The following CC2D2B variants were observed in gnomAD, a reference collection of about 807,000 sequenced individuals.
CC2D2B encodes the protein coiled-coil and C2 domain containing 2B.
A neutral mutation model predicts 161.2 loss-of-function variants in CC2D2B; 128 were observed. The ratio of observed to expected loss-of-function variants is 0.79; its 90% confidence interval spans 0.69 to 0.92. The LOEUF (loss-of-function observed/expected upper bound fraction) is 0.92, where lower values mean the gene tolerates loss of function less well. Ranked by LOEUF, CC2D2B falls within the 40% of genes least tolerant of loss-of-function variation. The pLI is 0.00. For missense variants in CC2D2B, 1,173 were observed against 1,375.1 expected (o/e 0.85, Z 2.32); for synonymous variants, 391 against 449.8 (o/e 0.87, Z 1.65).
At chr10:95,952,796 G>A (rs927909634) in intron 10 of CC2D2B, among the ~76,000 whole-genome samples, 1 of 151,920 alleles carries the variant, frequency 6.6e-6, no homozygotes, top group Admixed American at 6.6e-5. Flanking sequence ...ATGGCACTTA[G>A]GTCATTTCTT....
intron 2 of CC2D2B, among the ~76,000 whole-genome samples, 178 bp downstream of exon 2, chr10:95,911,537 G>C (rs931808071): frequency 3.9e-5 from 6 of 152,060 alleles, no homozygotes; most frequent in Non-Finnish European, 8.8e-5. Flanking sequence ...TGGTCTGTAA[G>C]TTATTTAATA....
rs1322583440 is a variant in CC2D2B, at chr10:96,003,463, G to A, written c.2850-689G>A. On this transcript the variant is annotated intron_variant, in intron 24 of 34. Coordinates refer to ENST00000646931, the MANE Select transcript of CC2D2B (RefSeq NM_001349008.3). ...GATGGAGTTCTGCTCTTGTTACCCA[G>A]GCTGGAGTGCAGTGGCGTGATCTCG... is the stretch of plus-strand genomic sequence containing the variant. Among the ~76,000 whole-genome samples the A allele has an allele frequency of 2.0e-5, 3 of 151,924 alleles. No individual in the cohort carries two copies. The East Asian group carries it at 5.8e-4, about 29-fold the overall frequency.
At chr10:95,945,777 C>CTTTTTTT (rs34209550) in intron 9 of CC2D2B, among the ~76,000 whole-genome samples, 5 of 81,122 alleles carry the variant, frequency 6.2e-5, no homozygotes, top group African/African-American at 9.5e-5. Flanking sequence ...TAATGTTGGA[C>CTTTTTTT]TTTTTTTTTT....
chr10:95,990,531 C>A (rs2077910114), intron 20 of CC2D2B, among the ~76,000 whole-genome samples: 1 of 152,092 alleles, frequency 6.6e-6, no homozygotes, highest in Non-Finnish European at 1.5e-5. Context: ...AGTGAAGGGG[C>A]CACCGGGGTC....
chr10:95,913,786 A>G (rs1407084604), intron 2 of CC2D2B, among the ~76,000 whole-genome samples: 1 of 152,056 alleles, frequency 6.6e-6, no homozygotes, highest in African/African-American at 2.4e-5. Context: ...ATCTATGTAG[A>G]TCTTTTGCCC....
In CC2D2B at chr10:96,016,263, T is replaced by C. The variant is rs2079195127; in HGVS notation, c.3579T>C (p.Phe1193=). The change falls in exon 30 of 35, where the codon TTT becomes TTC. Residue 1193 remains phenylalanine, a synonymous_variant. Coordinates refer to ENST00000646931, the MANE Select transcript of CC2D2B (RefSeq NM_001349008.3). ...EEHAILLCNF[F]LYFGKKALVL... ...ATGCCATCCTTCTCTGTAATTTCTT[T>C]CTGTATTTTGGAAAGAAGGCACTGG... 2 of 1,613,602 alleles carry C rather than the reference T, an allele frequency of 1.2e-6. No homozygotes were observed. Among genetic ancestry groups the C allele is most frequent in the East Asian group, 4.5e-5 (2 of 44,874 alleles).
At chr10:95,942,818 CTT>C (rs2076067251) in intron 9 of CC2D2B, among the ~76,000 whole-genome samples, 1 of 151,948 alleles carries the variant, frequency 6.6e-6, no homozygotes, top group Non-Finnish European at 1.5e-5. Context: ...CTTATAGAAA[CTT>C]TGATGGATTT....
chr10:96,006,363 T>C (rs974447309), intron 25 of CC2D2B, among the ~76,000 whole-genome samples: 2 of 148,970 alleles, frequency 1.3e-5, no homozygotes, highest in Non-Finnish European at 3.0e-5. Context: ...TTATATAATA[T>C]ATATATACAT....
intron 11 of CC2D2B, among the ~76,000 whole-genome samples, chr10:95,956,513 G>T (rs2076572283): frequency 6.6e-6 from 1 of 152,098 alleles, no homozygotes; most frequent in Non-Finnish European, 1.5e-5. Context: ...AGAATTTATA[G>T]AATTGAAAAA....
intron 2 of CC2D2B, among the ~76,000 whole-genome samples, chr10:95,917,794 G>A (rs1334148151): frequency 1.3e-5 from 2 of 152,042 alleles, no homozygotes; most frequent in Admixed American, 1.3e-4. Flanking sequence ...TTTTGAGACA[G>A]TATTATTTTG....
At position 95,983,778 on chromosome 10, in the gene CC2D2B, A is replaced by C; in HGVS notation, c.2255A>C (p.His752Pro). 8.1e-7 allele frequency: 1 copy of C among 1,230,008 alleles called. No individual in the cohort carries two copies. The highest frequency in any genetic ancestry group is 1.0e-6 in the Non-Finnish European group (1 of 986,124). The allele number at this position is 1,230,008 out of a possible 1,614,324, so 76.2% of individuals were successfully genotyped here. ...TTCCTTCTACAGCAAATGCCCCTCC[A>C]TGATACAGAGATTCCAGATTTAGTC... ...DNFLLQQMPLHDTEIPDLVFQ... is the reference protein window; with the variant it reads ...DNFLLQQMPLPDTEIPDLVFQ... The change falls in exon 19 of 35, where the codon CAT becomes CCT. Residue 752 changes from histidine (H) to proline (P), a missense_variant. His to Pro is a moderately conservative substitution (Grantham distance 77). This residue lies in a region of CC2D2B where 277 missense variants were observed against 420.6 expected (regional missense o/e 0.66). Coordinates refer to ENST00000646931, the MANE Select transcript of CC2D2B (RefSeq NM_001349008.3).
In CC2D2B at chr10:95,981,958, T is replaced by C; in HGVS notation, c.1944-17T>C. ...TTATATTGTATGCAAGTTCACAAAA[T>C]ATTTTCTCTATGTTAGTATGTTAAG... On this transcript the variant is annotated splice_polypyrimidine_tract_variant and intron_variant, in intron 17 of 34. Coordinates refer to ENST00000646931, the MANE Select transcript of CC2D2B (RefSeq NM_001349008.3). 1.7e-6 allele frequency: 2 copies of C among 1,204,754 alleles called. No homozygotes were observed. The highest frequency in any genetic ancestry group is 2.1e-6 in the Non-Finnish European group (2 of 963,388). 74.6% of individuals were successfully genotyped at this position (1,204,754 alleles called of 1,614,324 possible). A position where few individuals can be genotyped will look rare whatever the true frequency, so the allele number is the denominator to read the frequency against.
At chr10:96,000,022 A>G in intron 24 of CC2D2B, 1 of 1,356,700 alleles carries the variant, frequency 7.4e-7, no homozygotes, top group Non-Finnish European at 1.0e-6. Context: ...CTTTGTTTAC[A>G]ACAATGCCAA....
At chr10:95,954,479 G>C (rs2076507402) in intron 10 of CC2D2B, among the ~76,000 whole-genome samples, 1 of 152,084 alleles carries the variant, frequency 6.6e-6, no homozygotes, top group East Asian at 1.9e-4. Context: ...TATTTGTCTA[G>C]TTCCGTACTG....
intron 22 of CC2D2B, among the ~76,000 whole-genome samples, chr10:95,993,743 C>A (rs1590785781): frequency 7.0e-6 from 1 of 142,042 alleles, no homozygotes; most frequent in East Asian, 2.0e-4. Flanking sequence ...TAAAGTATAA[C>A]TTGTCATATA....
At chr10:96,016,916 A>C (rs2079224711) in intron 30 of CC2D2B, among the ~76,000 whole-genome samples, 1 of 152,068 alleles carries the variant, frequency 6.6e-6, no homozygotes, top group African/African-American at 2.4e-5. Context: ...ATGGGGTTTC[A>C]TCATGTTGGC....
At chr10:95,928,833 C>T (rs564603578) in intron 6 of CC2D2B, among the ~76,000 whole-genome samples, 1 of 152,176 alleles carries the variant, frequency 6.6e-6, no homozygotes, top group Admixed American at 6.5e-5. Context: ...GATTCCAAGT[C>T]TTTGCTATTG....
chr10:95,936,151 G>C (rs1044793146), intron 6 of CC2D2B, among the ~76,000 whole-genome samples: 1 of 152,142 alleles, frequency 6.6e-6, no homozygotes, highest in South Asian at 2.1e-4. Flanking sequence ...CTTCTTGTAG[G>C]GCAAGCATAA....
intron 1 of CC2D2B, among the ~76,000 whole-genome samples, chr10:95,909,206 A>AG (rs1406539367): frequency 2.6e-5 from 4 of 152,264 alleles, no homozygotes; most frequent in African/African-American, 9.6e-5. Context: ...AATACATGGA[A>AG]GTCATAATGT....
Sources: allele counts gnomAD v4.1 joint callset (sites outside exome capture counted in the v4.1 genomes callset), GRCh38; gene constraint gnomAD v4.1.1; regional missense constraint gnomAD v4.1.1; transcripts MANE v1.5; gene names NCBI Gene and HGNC (gene_info 2026-07-23, HGNC 2026-07-21).